RAP2B: variants seen among roughly 807,000 people sequenced by gnomAD.
RAP2B encodes ras-related protein Rap-2b.
A neutral mutation model predicts 14.4 loss-of-function variants in RAP2B; 6 were observed. The observed-to-expected ratio is 0.42, with a 90% CI of 0.23 to 0.82. The LOEUF is 0.82. RAP2B is among the 40% of genes least tolerant of loss of function. The pLI is 0.30. For missense variants in RAP2B, 137 were observed against 248.2 expected, an observed-to-expected ratio of 0.55 and a Z score of 3.01; for synonymous variants, 118 against 113.2, an observed-to-expected ratio of 1.04 and a Z score of -0.27.
Position 153,162,460 on chromosome 3 carries a change from A to C in RAP2B, c.-234A>C. ...GCCCGGGCTGCTGCTGCCGCCGCGG[A>C]CTGCTGCGGGGCCCGGACCCGCACC... On this transcript the variant is annotated 5_prime_UTR_variant, in exon 1 of 1. Transcript: ENST00000323534. The surrounding 1 kb of genome is among the most constrained non-coding windows in gnomAD (Gnocchi z 4.9). 2 of 324,642 alleles carry C rather than the reference A, an allele frequency of 6.2e-6. No individual in the cohort carries two copies. The highest frequency in any genetic ancestry group is 1.1e-5 in the Non-Finnish European group (2 of 182,486). The allele number at this position is 324,642 out of a possible 1,614,324, so 20.1% of individuals were successfully genotyped here.
In RAP2B at chr3:153,168,230, A is replaced by G. The variant is rs1359549511; in HGVS notation, c.*4985A>G. The stretch of plus-strand genomic sequence containing the variant: ...AATTTGGGGGCCTTCTAAAGAAACA[A>G]TAGTAGATCTAATTACAAGTAGTGG... On this transcript the variant is annotated 3_prime_UTR_variant, in exon 1 of 1. Transcript: ENST00000323534. 6.0e-6 allele frequency: 1 copy of G among 166,924 alleles called. No homozygotes were observed. Among genetic ancestry groups the G allele is most frequent in the Non-Finnish European group, 1.5e-5 (1 of 68,116 alleles). The allele number at this position is 166,924 out of a possible 1,614,324, so 10.3% of individuals were successfully genotyped here. A position where few individuals can be genotyped will look rare whatever the true frequency, so the allele number is the denominator to read the frequency against.
Position 153,162,798 on chromosome 3 carries a change from C to T in RAP2B, c.105C>T (p.Thr35=), listed in dbSNP as rs761698106. 5.0e-6 allele frequency: 8 copies of T among 1,614,030 alleles called. No individual in the cohort carries two copies. Among genetic ancestry groups the T allele is most frequent in the Non-Finnish European group, 5.9e-6 (7 of 1,180,044 alleles). Residue 35 remains threonine, a synonymous_variant, in exon 1 of 1, where the codon ACC becomes ACT. Coordinates refer to ENST00000323534, the MANE Select transcript of RAP2B (RefSeq NM_002886.4). The surrounding 1 kb of genome is among the most constrained non-coding windows in gnomAD (Gnocchi z 4.9). ...CCTTCATCGAGAAGTACGACCCGAC[C>T]ATCGAAGACTTTTACCGCAAGGAGA... is the stretch of plus-strand genomic sequence containing the variant. ...TGSFIEKYDP[T]IEDFYRKEIE...
rs1158776046 is a variant in RAP2B at position 153,163,341 on chromosome 3, A to T, written c.*96A>T. 4.2e-6 allele frequency: 6 copies of T among 1,441,516 alleles called. No homozygotes were observed. Among genetic ancestry groups the T allele is most frequent in the Non-Finnish European group, 4.6e-6 (5 of 1,090,866 alleles). The allele number at this position is 1,441,516 out of a possible 1,614,324, so 89.3% of individuals were successfully genotyped here. ...ATTTCTTGCTTTGAGATTGGAGACC[A>T]CTTTGCATTGGCCAGGGTGTCTTGG... On this transcript the variant is annotated 3_prime_UTR_variant, in exon 1 of 1. Transcript: ENST00000323534.
At position 153,163,233 on chromosome 3, in the gene RAP2B, C is replaced by A. The variant is rs1460906419; in HGVS notation, c.540C>A (p.Cys180Ter). ...PNGDEGCCSA[C>*]VIL is the part of the protein sequence containing the mutation. ...GCGATGAGGGCTGCTGCTCGGCCTG[C>A]GTGATCCTCTGAGGCGGCCACCGCG... Residue 180 changes from cysteine to a stop codon, truncating the protein, a stop_gained, in exon 1 of 1, where the codon TGC (cysteine) becomes TGA (stop). Coordinates refer to ENST00000323534, the MANE Select transcript of RAP2B (RefSeq NM_002886.4). LOFTEE classifies it high-confidence loss of function. 1 of 1,564,706 alleles carries A rather than the reference C, an allele frequency of 6.4e-7. No individual in the cohort carries two copies. The highest frequency in any genetic ancestry group is 8.6e-7 in the Non-Finnish European group (1 of 1,156,656).
In RAP2B at chr3:153,162,600, A is replaced by G; in HGVS notation, c.-94A>G. The G allele has an allele frequency of 7.3e-7, 1 of 1,361,712 alleles. No homozygotes were observed. The highest frequency in any genetic ancestry group is 1.5e-5 in the South Asian group (1 of 68,554). 84.4% of individuals were successfully genotyped at this position (1,361,712 alleles called of 1,614,324 possible). The stretch of plus-strand genomic sequence containing the variant: ...CTGGGTTTTTCCTGCGTAGCTGAGG[A>G]AGGGGAAGAGAAGTCCAGCCGCCAA... On this transcript the variant is annotated 5_prime_UTR_variant, in exon 1 of 1. Transcript: ENST00000323534. The surrounding 1 kb of genome is among the most constrained non-coding windows in gnomAD (Gnocchi z 4.9).
Position 153,162,551 on chromosome 3 carries a change from C to T in RAP2B, c.-143C>T. On this transcript the variant is annotated 5_prime_UTR_variant, in exon 1 of 1. Coordinates refer to ENST00000323534, the MANE Select transcript of RAP2B (RefSeq NM_002886.4). This position sits in a 1 kb window ranked among gnomAD's most constrained non-coding sequence, Gnocchi z 4.9. ...CGGCCTCCGTTCGGTGGTTTCCGCC[C>T]TGCGTTCTCTGGGTTGCTCTCTCCT... The T allele has an allele frequency of 6.6e-6, 7 of 1,053,608 alleles. No individual in the cohort carries two copies. The highest frequency in any genetic ancestry group is 5.3e-5 in the South Asian group (3 of 56,188). 65.3% of individuals were successfully genotyped at this position (1,053,608 alleles called of 1,614,324 possible). A position where few individuals can be genotyped will look rare whatever the true frequency, so the allele number is the denominator to read the frequency against.
In RAP2B at chr3:153,162,505, GCCGCCGGCCGGC is replaced by G. The variant is rs1427287389; in HGVS notation, c.-185_-174del. 4.9e-6 allele frequency: 3 copies of G among 614,160 alleles called. No homozygotes were observed. The highest frequency in any genetic ancestry group is 7.7e-6 in the Non-Finnish European group (3 of 390,468). 38.0% of individuals were successfully genotyped at this position (614,160 alleles called of 1,614,324 possible). A position where few individuals can be genotyped will look rare whatever the true frequency, so the allele number is the denominator to read the frequency against. ...CGCACCCCAGGGATACGCTGCCGCC[GCCGCCGGCCGGC>G]CCGGCGCCCGGCCTCCGTTCGGTGG... On this transcript the variant is annotated 5_prime_UTR_variant, in exon 1 of 1. Transcript: ENST00000323534. This position sits in a 1 kb window ranked among gnomAD's most constrained non-coding sequence, Gnocchi z 4.9.
chr3:153,169,113 T>G lies in RAP2B; in HGVS notation c.*5868T>G, dbSNP rs1713657441. On this transcript the variant is annotated 3_prime_UTR_variant, in exon 1 of 1. Transcript: ENST00000323534. ...TATTCTAATCCTGGTTAATAATCATTAGGACTAAACTATTTACATTAAAGA... is the reference window on the plus strand; with the variant it reads ...TATTCTAATCCTGGTTAATAATCATGAGGACTAAACTATTTACATTAAAGA... 1.3e-5 allele frequency: 2 copies of G among 152,214 alleles called. No homozygotes were observed. Among genetic ancestry groups the G allele is most frequent in the Non-Finnish European group, 2.9e-5 (2 of 68,040 alleles). The allele number at this position is 152,214 out of a possible 1,614,324, so 9.4% of individuals were successfully genotyped here. A position where few individuals can be genotyped will look rare whatever the true frequency, so the allele number is the denominator to read the frequency against.
At position 153,163,128 on chromosome 3, in the gene RAP2B, G is replaced by T. The variant is rs764333017; in HGVS notation, c.435G>T (p.Thr145=). 6.2e-7 allele frequency: 1 copy of T among 1,613,222 alleles called. No homozygotes were observed. The highest frequency in any genetic ancestry group is 8.5e-7 in the Non-Finnish European group (1 of 1,179,964). The change falls in exon 1 of 1, where the codon ACG becomes ACT. Residue 145 remains threonine, a synonymous_variant. Coordinates refer to ENST00000323534, the MANE Select transcript of RAP2B (RefSeq NM_002886.4). ...AGTGGAGCTGCCCCTTCATGGAGAC[G>T]TCGGCCAAAAACAAAGCCTCGGTAG... The part of the protein sequence containing the change: ...AEEWSCPFME[T]SAKNKASVDE...
chr3:153,169,482 G>C lies in RAP2B; in HGVS notation c.*6237G>C, dbSNP rs1177794052. The C allele has an allele frequency of 1.3e-5, 2 of 152,800 alleles. No homozygotes were observed. The highest frequency in any genetic ancestry group is 2.9e-5 in the Non-Finnish European group (2 of 68,866). The allele number at this position is 152,800 out of a possible 1,614,324, so 9.5% of individuals were successfully genotyped here. A position where few individuals can be genotyped will look rare whatever the true frequency, so the allele number is the denominator to read the frequency against. Reference sequence around the variant, plus strand: ...TTTTTTTGAAATGGAGTCTGGCTCTGTCGCCCAGGCTGGAGTGCAATGGCG... The same window carrying C: ...TTTTTTTGAAATGGAGTCTGGCTCTCTCGCCCAGGCTGGAGTGCAATGGCG... On this transcript the variant is annotated 3_prime_UTR_variant, in exon 1 of 1. Coordinates refer to ENST00000323534, the MANE Select transcript of RAP2B (RefSeq NM_002886.4).
In RAP2B at chr3:153,162,242, G is replaced by C. The variant is rs1361909803; in HGVS notation, c.-452G>C. The C allele has an allele frequency of 1.3e-5, 2 of 152,864 alleles. No individual in the cohort carries two copies. The highest frequency in any genetic ancestry group is 2.9e-5 in the Non-Finnish European group (2 of 68,606). 9.5% of individuals were successfully genotyped at this position (152,864 alleles called of 1,614,324 possible). A position where few individuals can be genotyped will look rare whatever the true frequency, so the allele number is the denominator to read the frequency against. ...CCCTCGCCCAGTAGAGGCTGTGGGA[G>C]AGAGCGCGATGGGCCGCGGCGGTGG... On this transcript the variant is annotated 5_prime_UTR_variant, in exon 1 of 1. Transcript: ENST00000323534. The surrounding 1 kb of genome is among the most constrained non-coding windows in gnomAD (Gnocchi z 4.9).
rs1255234266 is a variant in RAP2B, at chr3:153,164,114, C to G, written c.*869C>G. On this transcript the variant is annotated 3_prime_UTR_variant, in exon 1 of 1. Transcript: ENST00000323534. ...AAAATGTTACAGATCTGCACATTTT[C>G]GTGTGTACTATGGTGTGTGTGTGTA... The G allele has an allele frequency of 6.1e-6, 1 of 164,404 alleles. No individual in the cohort carries two copies. Among genetic ancestry groups the G allele is most frequent in the African/African-American group, 2.5e-5 (1 of 39,940 alleles). 10.2% of individuals were successfully genotyped at this position (164,404 alleles called of 1,614,324 possible). A position where few individuals can be genotyped will look rare whatever the true frequency, so the allele number is the denominator to read the frequency against.
In RAP2B at chr3:153,165,887, A is replaced by G. The variant is rs1333061336; in HGVS notation, c.*2642A>G. On this transcript the variant is annotated 3_prime_UTR_variant, in exon 1 of 1. Coordinates refer to ENST00000323534, the MANE Select transcript of RAP2B (RefSeq NM_002886.4). The stretch of plus-strand genomic sequence containing the variant: ...TGTTAAAAATGCTGAAGTCATGTCA[A>G]GTACTGTCTGGAGGGTTTTTTTAAG... 1 of 167,104 alleles carries G rather than the reference A, an allele frequency of 6.0e-6. No homozygotes were observed. Among genetic ancestry groups the G allele is most frequent in the Non-Finnish European group, 1.5e-5 (1 of 68,118 alleles). 10.4% of individuals were successfully genotyped at this position (167,104 alleles called of 1,614,324 possible). A position where few individuals can be genotyped will look rare whatever the true frequency, so the allele number is the denominator to read the frequency against.
Position 153,163,284 on chromosome 3 carries a change from G to A in RAP2B, c.*39G>A, listed in dbSNP as rs1194151722. 2 of 1,493,642 alleles carry A rather than the reference G, an allele frequency of 1.3e-6. No homozygotes were observed. Among genetic ancestry groups the A allele is most frequent in the South Asian group, 1.4e-5 (1 of 73,268 alleles). The allele number at this position is 1,493,642 out of a possible 1,614,324, so 92.5% of individuals were successfully genotyped here. On this transcript the variant is annotated 3_prime_UTR_variant, in exon 1 of 1. Coordinates refer to ENST00000323534, the MANE Select transcript of RAP2B (RefSeq NM_002886.4). Reference sequence around the variant, plus strand: ...CGCCGGCCGCGCTCTGCGCACAAAAGCCAAACGCATCCGACTCTCTAAATG... The same window carrying A: ...CGCCGGCCGCGCTCTGCGCACAAAAACCAAACGCATCCGACTCTCTAAATG...
Position 153,165,065 on chromosome 3 carries a change from C to T in RAP2B, c.*1820C>T, listed in dbSNP as rs765882052. ...ATTGCCTTAGATCTGGGAAAGTAAC[C>T]ATCCTTCTGGCAAAGTAGGATGGCA... is the stretch of plus-strand genomic sequence containing the variant. On this transcript the variant is annotated 3_prime_UTR_variant, in exon 1 of 1. Coordinates refer to ENST00000323534, the MANE Select transcript of RAP2B (RefSeq NM_002886.4). 1 of 166,796 alleles carries T rather than the reference C, an allele frequency of 6.0e-6. No homozygotes were observed. The highest frequency in any genetic ancestry group is 1.5e-5 in the Non-Finnish European group (1 of 68,112). 10.3% of individuals were successfully genotyped at this position (166,796 alleles called of 1,614,324 possible).
Position 153,167,679 on chromosome 3 carries a change from T to G in RAP2B, c.*4434T>G, listed in dbSNP as rs1055635401. ...CCATTTATACTAAGACTAACTGTTG[T>G]GTGTGAAATAGAATAAACATTGCAG... On this transcript the variant is annotated 3_prime_UTR_variant, in exon 1 of 1. Transcript: ENST00000323534. 1 of 167,130 alleles carries G rather than the reference T, an allele frequency of 6.0e-6. No homozygotes were observed. The highest frequency in any genetic ancestry group is 1.5e-5 in the Non-Finnish European group (1 of 68,116). 10.4% of individuals were successfully genotyped at this position (167,130 alleles called of 1,614,324 possible).
Position 153,164,075 on chromosome 3 carries a change from T to TA in RAP2B, c.*831dup, listed in dbSNP as rs956141469. On this transcript the variant is annotated 3_prime_UTR_variant, in exon 1 of 1. Coordinates refer to ENST00000323534, the MANE Select transcript of RAP2B (RefSeq NM_002886.4). Reference sequence around the variant, plus strand: ...GGAGAATGGTAGTATTTTTTTTTTTTATCAGCTGTGAAAAAAATGTTACAG... The same window carrying TA: ...GGAGAATGGTAGTATTTTTTTTTTTTAATCAGCTGTGAAAAAAATGTTACAG... 1 of 166,848 alleles carries TA rather than the reference T, an allele frequency of 6.0e-6. No homozygotes were observed. Among genetic ancestry groups the TA allele is most frequent in the Non-Finnish European group, 1.5e-5 (1 of 68,086 alleles). The allele number at this position is 166,848 out of a possible 1,614,324, so 10.3% of individuals were successfully genotyped here.
In RAP2B at chr3:153,165,732, C is replaced by G. The variant is rs1713558051; in HGVS notation, c.*2487C>G. On this transcript the variant is annotated 3_prime_UTR_variant, in exon 1 of 1. Coordinates refer to ENST00000323534, the MANE Select transcript of RAP2B (RefSeq NM_002886.4). ...CTCTGATCTCACTTAAGTTTGATATCAAACACAATTGGGAGGCAATAGTAT... is the reference window on the plus strand; with the variant it reads ...CTCTGATCTCACTTAAGTTTGATATGAAACACAATTGGGAGGCAATAGTAT... 6.0e-6 allele frequency: 1 copy of G among 166,564 alleles called. No homozygotes were observed. The highest frequency in any genetic ancestry group is 1.5e-5 in the Non-Finnish European group (1 of 68,008). The allele number at this position is 166,564 out of a possible 1,614,324, so 10.3% of individuals were successfully genotyped here. A position where few individuals can be genotyped will look rare whatever the true frequency, so the allele number is the denominator to read the frequency against.
At position 153,162,541 on chromosome 3, in the gene RAP2B, G is replaced by A; in HGVS notation, c.-153G>A. ...GCCCGGCGCCCGGCCTCCGTTCGGT[G>A]GTTTCCGCCCTGCGTTCTCTGGGTT... On this transcript the variant is annotated 5_prime_UTR_variant, in exon 1 of 1. Transcript: ENST00000323534. The surrounding 1 kb of genome is among the most constrained non-coding windows in gnomAD (Gnocchi z 4.9). 1.1e-6 allele frequency: 1 copy of A among 937,618 alleles called. No homozygotes were observed. The highest frequency in any genetic ancestry group is 1.5e-6 in the Non-Finnish European group (1 of 671,602). The allele number at this position is 937,618 out of a possible 1,614,324, so 58.1% of individuals were successfully genotyped here.
Sources: allele counts gnomAD v4.1 joint callset, GRCh38; gene constraint gnomAD v4.1.1; non-coding constraint Gnocchi (gnomAD v3.1); transcripts MANE v1.5; gene names NCBI Gene and HGNC (gene_info 2026-07-23, HGNC 2026-07-21).